Variants in TBC1D12 observed in about 807,000 individuals in gnomAD.
The protein encoded by TBC1D12 is TBC1 domain family member 12.
TBC1D12 carries 56 observed loss-of-function variants against 86.7 expected under a neutral mutation model. The ratio of observed to expected loss-of-function variants is 0.65; its 90% CI spans 0.52 to 0.81. TBC1D12 has a LOEUF of 0.81. Among genes scored for constraint, TBC1D12 ranks in the 30% least tolerant of loss-of-function variants. The pLI is 0.00. For synonymous variants in TBC1D12, 421 were observed against 411.7 expected (o/e 1.02, Z -0.27); for missense variants, 1,023 against 1,038.8 (o/e 0.98, Z 0.21).
At chr10:94,529,621 A>G (rs914204281) in intron 11 of TBC1D12, among the ~76,000 whole-genome samples, 1 of 152,202 alleles carries the variant, frequency 6.6e-6, no homozygotes, top group Non-Finnish European at 1.5e-5. Flanking sequence ...TCCATTAAAA[A>G]AAAAATTATT....
At chr10:94,483,824 T>A (rs1203207860) in intron 3 of TBC1D12, among the ~76,000 whole-genome samples, 2 of 152,192 alleles carry the variant, frequency 1.3e-5, no homozygotes. Flanking sequence ...TTGCCTGTGC[T>A]TGTGAGGTAT....
At chr10:94,457,652 T>A (rs563074766) in intron 2 of TBC1D12, among the ~76,000 whole-genome samples, 5 of 152,250 alleles carry the variant, frequency 3.3e-5, no homozygotes, top group Admixed American at 6.5e-5. Flanking sequence ...GATTATTATC[T>A]CTCATTTCTG....
At chr10:94,484,436 CTCCAT>C (rs1035823782) in intron 3 of TBC1D12, among the ~76,000 whole-genome samples, 1 of 151,860 alleles carries the variant, frequency 6.6e-6, no homozygotes, top group Non-Finnish European at 1.5e-5. Flanking sequence ...GACGGGGTTT[CTCCAT>C]GTTGGTCAGG....
chr10:94,488,687 G>A (rs113547446), intron 3 of TBC1D12, among the ~76,000 whole-genome samples: 4,757 of 151,400 alleles, frequency 0.031, 119 homozygotes, highest in Middle Eastern at 0.14. Context: ...CTACCGGTCC[G>A]GCCTCCAAGG....
At chr10:94,509,109 T>TG (rs1320823412) in intron 7 of TBC1D12, 2 of 60,198 alleles carry the variant, frequency 3.3e-5, no homozygotes, top group African/African-American at 5.3e-5. Flanking sequence ...GAAAAAGTGT[T>TG]TTTTTTTTTT....
At chr10:94,511,520 A>G (rs1247846829) in intron 8 of TBC1D12, 63 bp from the exon 9 acceptor site, 5 of 982,292 alleles carry the variant, frequency 5.1e-6, no homozygotes, top group African/African-American at 4.9e-5. Flanking sequence ...TTAACATGTT[A>G]TATGAAAATT....
At position 94,461,763 on chromosome 10, in the gene TBC1D12, G is replaced by A. The variant is rs188045187; in HGVS notation, c.1096-12905G>A. 8.6e-4 allele frequency among the ~76,000 whole-genome samples: 131 copies of A among 152,302 alleles called. 1 individual carries two copies. The highest frequency in any genetic ancestry group is 2.8e-3 in the African/African-American group (117 of 41,568). On this transcript the variant is annotated intron_variant, in intron 2 of 12. Coordinates refer to ENST00000225235, the MANE Select transcript of TBC1D12 (RefSeq NM_015188.2). ...AGCTTCTGGGTTTCTGCTCTGCTAAGTTGTGATTCTTCTTTATGTGTTTGT... is the reference window on the plus strand; with the variant it reads ...AGCTTCTGGGTTTCTGCTCTGCTAAATTGTGATTCTTCTTTATGTGTTTGT...
Position 94,404,293 on chromosome 10 carries a change from A to G in TBC1D12, c.971+709A>G, listed in dbSNP as rs948237331. Among the ~76,000 whole-genome samples the G allele has an allele frequency of 2.0e-5, 3 of 152,084 alleles. No individual in the cohort carries two copies. The East Asian group carries it at 5.8e-4, about 29-fold the overall frequency. Reference sequence around the variant, plus strand: ...GATAAGCCTCTCCTTTTTTTCCCCAATAACTTTAGTTTTTTTAAAAAATGG... The same window carrying G: ...GATAAGCCTCTCCTTTTTTTCCCCAGTAACTTTAGTTTTTTTAAAAAATGG... On this transcript the variant is annotated intron_variant, in intron 1 of 12. Coordinates refer to ENST00000225235, the MANE Select transcript of TBC1D12 (RefSeq NM_015188.2).
At chr10:94,491,982 T>G (rs781166336) in intron 3 of TBC1D12, among the ~76,000 whole-genome samples, 16 of 152,220 alleles carry the variant, frequency 1.1e-4, no homozygotes, top group Middle Eastern at 3.4e-3. Flanking sequence ...TCCATGAAAT[T>G]GTGAAGAATG....
Position 94,457,139 on chromosome 10 carries a change from C to A in TBC1D12, c.1095+15120C>A, listed in dbSNP as rs368613853. Among the ~76,000 whole-genome samples, 162 of 152,238 alleles carry A rather than the reference C, an allele frequency of 1.1e-3. 2 individuals are homozygous for A. The highest frequency in any genetic ancestry group is 3.7e-3 in the African/African-American group (154 of 41,554). On this transcript the variant is annotated intron_variant, in intron 2 of 12. Transcript: ENST00000225235. ...TTCCAGGATACATGTGCTGACCTTG[C>A]AGGTTTGTTACGTAGGTATGCATGT...
At chr10:94,474,527 G>C in intron 2 of TBC1D12, 141 bp from the exon 3 acceptor site, 1 of 609,586 alleles carries the variant, frequency 1.6e-6, no homozygotes, top group Non-Finnish European at 2.7e-6. Context: ...TTTATTTTTT[G>C]TCTGCTTGAT....
intron 1 of TBC1D12, 25 bp downstream of exon 1, chr10:94,403,609 C>T: frequency 7.1e-7 from 1 of 1,409,958 alleles, no homozygotes; most frequent in African/African-American, 1.5e-5. Context: ...GCATGGGACT[C>T]GGGGCGGGTC....
At chr10:94,405,687 G>A (rs1001046184) in intron 1 of TBC1D12, among the ~76,000 whole-genome samples, 8 of 152,126 alleles carry the variant, frequency 5.3e-5, no homozygotes, top group African/African-American at 1.9e-4. Flanking sequence ...TTGAGTTCTT[G>A]CTCTCTGCCA....
At chr10:94,528,867 A>G (rs1014027040) in intron 11 of TBC1D12, among the ~76,000 whole-genome samples, 2 of 151,828 alleles carry the variant, frequency 1.3e-5, no homozygotes, top group African/African-American at 4.8e-5. Flanking sequence ...AGGAGGGGGA[A>G]GAGTACAGAT....
At chr10:94,406,118 T>A (rs963686898) in intron 1 of TBC1D12, among the ~76,000 whole-genome samples, 1 of 152,138 alleles carries the variant, frequency 6.6e-6, no homozygotes, top group African/African-American at 2.4e-5. Context: ...CCAACAATGT[T>A]ATTTATAGGA....
intron 4 of TBC1D12, 50 bp downstream of exon 4, chr10:94,493,497 A>G: frequency 2.4e-6 from 3 of 1,262,536 alleles, no homozygotes; most frequent in Non-Finnish European, 3.4e-6. Flanking sequence ...TAATAAGAAG[A>G]TGGATGGTAA....
intron 1 of TBC1D12, among the ~76,000 whole-genome samples, chr10:94,404,051 A>G (rs2054816416): frequency 6.6e-6 from 1 of 152,184 alleles, no homozygotes; most frequent in Non-Finnish European, 1.5e-5. Flanking sequence ...GAAGGAAGTC[A>G]TTTTGTAGAG....
intron 9 of TBC1D12, 126 bp from the exon 10 acceptor site, chr10:94,521,829 G>A: frequency 1.2e-6 from 1 of 853,122 alleles, no homozygotes; most frequent in East Asian, 3.0e-5. Context: ...TTGCTGGGAA[G>A]GAAAAAAGAA....
intron 1 of TBC1D12, among the ~76,000 whole-genome samples, chr10:94,410,342 T>G (rs1039118317): frequency 6.6e-6 from 1 of 152,224 alleles, no homozygotes; most frequent in African/African-American, 2.4e-5. Context: ...GGAAAAAATA[T>G]GAAAGTGTAT....
Sources: gnomAD v4.1 joint callset for allele counts (sites outside exome capture counted in the v4.1 genomes callset) on GRCh38, gnomAD v4.1.1 for gene constraint, MANE v1.5 for transcripts, NCBI Gene and HGNC (gene_info 2026-07-23, HGNC 2026-07-21) for gene names.